INHBC: variants seen among roughly 807,000 people sequenced by gnomAD.
INHBC encodes inhibin subunit beta C.
In INHBC, 10 loss-of-function variants were observed where a neutral mutation model predicts 12.4. The ratio of observed to expected loss-of-function variants is 0.81; its 90% CI spans 0.50 to 1.37. INHBC has a LOEUF of 1.37. Among genes scored for constraint, INHBC ranks in the 40% most tolerant of loss-of-function variants. The probability of loss-of-function intolerance (pLI) is 0.00; values close to 1 mark genes in which losing one functional copy is unlikely to be tolerated. For missense variants in INHBC, 382 were observed against 439.4 expected, an observed-to-expected ratio of 0.87 and a Z score of 1.17; for synonymous variants, 147 against 171.6, an observed-to-expected ratio of 0.86 and a Z score of 1.12.
At chr12:57,444,370 G>A (rs150187081) in intron 1 of INHBC, among the ~76,000 whole-genome samples, 1,809 of 151,934 alleles carry the variant, frequency 0.012, 33 homozygotes, top group African/African-American at 0.041. Flanking sequence ...GCAAAACTCC[G>A]TCTCTACTAA....
At chr12:57,435,961 C>T (rs1870327993) in intron 1 of INHBC, among the ~76,000 whole-genome samples, 2 of 151,580 alleles carry the variant, frequency 1.3e-5, no homozygotes, top group Admixed American at 1.3e-4. Context: ...ATTCTCCTGC[C>T]CCAGCCTCTT....
At chr12:57,449,217 A>G in intron 1 of INHBC, 60 bp from the exon 2 acceptor site, 1 of 1,552,554 alleles carries the variant, frequency 6.4e-7, no homozygotes, top group Non-Finnish European at 8.7e-7. Flanking sequence ...AGTACAGAGA[A>G]ATAGTTGGTA....
chr12:57,449,588 T>G lies in INHBC; in HGVS notation c.625T>G (p.Ser209Ala), dbSNP rs1270009452. 4 of 1,614,082 alleles carry G rather than the reference T, an allele frequency of 2.5e-6. No homozygotes were observed. Among genetic ancestry groups the G allele is most frequent in the Non-Finnish European group, 3.4e-6 (4 of 1,180,040 alleles). Residue 209 changes from serine to alanine, a missense_variant, in exon 2 of 2, where the codon TCA becomes GCA. Coordinates refer to ENST00000309668, the MANE Select transcript of INHBC (RefSeq NM_005538.4). ...ACTTGAAGGCCAGGTAGCCCAGAGC[T>G]CAGTCATCCTGGGTGGAGCTGCCCA... ...LVLEGQVAQS[S>A]VILGGAAHRP...
At chr12:57,446,260 AAG>A (rs1870576777) in intron 1 of INHBC, among the ~76,000 whole-genome samples, 1 of 151,984 alleles carries the variant, frequency 6.6e-6, no homozygotes, top group African/African-American at 2.4e-5. Context: ...TAATTAAAAA[AAG>A]AGATTGAAAT....
chr12:57,448,873 A>ATAT (rs1231638321), intron 1 of INHBC, among the ~76,000 whole-genome samples: 1 of 152,216 alleles, frequency 6.6e-6, no homozygotes, highest in South Asian at 2.1e-4. Flanking sequence ...GAGCAGAAAT[A>ATAT]TATTAACTCA....
chr12:57,446,652 G>A (rs534997543), intron 1 of INHBC, among the ~76,000 whole-genome samples: 205 of 151,870 alleles, frequency 1.3e-3, no homozygotes, highest in Middle Eastern at 3.4e-3. Flanking sequence ...ACACTAGTAC[G>A]CCTGGGTAAT....
intron 1 of INHBC, among the ~76,000 whole-genome samples, chr12:57,438,358 C>T (rs1479830415): frequency 1.3e-5 from 2 of 152,180 alleles, no homozygotes; most frequent in Non-Finnish European, 2.9e-5. Context: ...TTTATAAAGG[C>T]ACTAATTCTA....
chr12:57,440,678 G>A (rs761427716), intron 1 of INHBC, among the ~76,000 whole-genome samples: 14 of 151,978 alleles, frequency 9.2e-5, no homozygotes, highest in Non-Finnish European at 1.8e-4. Context: ...CTTATCGTAG[G>A]CAACTAAAAT....
At chr12:57,439,813 T>A (rs1325938784) in intron 1 of INHBC, among the ~76,000 whole-genome samples, 1 of 152,206 alleles carries the variant, frequency 6.6e-6, no homozygotes, top group Non-Finnish European at 1.5e-5. Flanking sequence ...AAAAAAAATG[T>A]TAGATCTTAA....
At chr12:57,436,570 G>GCTCAAGCTCAGGTGATC (rs1425855176) in intron 1 of INHBC, among the ~76,000 whole-genome samples, 19 of 143,274 alleles carry the variant, frequency 1.3e-4, no homozygotes, top group Non-Finnish European at 1.5e-5. Flanking sequence ...AACCTCCCAG[G>GCTCAAGCTCAGGTGATC]CTCAAGCTCA....
In INHBC at chr12:57,435,130, GT is replaced by G; in HGVS notation, c.245del (p.Val82AlafsTer7). ...LRTALQHLHGVPQGALLEDNR... is the reference protein window; with the variant it reads ...LRTALQHLHGXPQGALLEDNR... ...GACTGCACTGCAGCACCTCCACGGG[GT>G]CCCACAGGGGGCACTTCTAGAGGAC... On this transcript the variant is annotated frameshift_variant, in exon 1 of 2. Transcript: ENST00000309668. LOFTEE classifies it high-confidence loss of function. 1.2e-6 allele frequency: 2 copies of G among 1,614,164 alleles called. No homozygotes were observed. The highest frequency in any genetic ancestry group is 1.7e-6 in the Non-Finnish European group (2 of 1,180,030).
chr12:57,449,316 TCTC>T lies in INHBC; in HGVS notation c.357_359del (p.Ser120del), dbSNP rs763624456. On this transcript the variant is annotated inframe_deletion, in exon 2 of 2. Coordinates refer to ENST00000309668, the MANE Select transcript of INHBC (RefSeq NM_005538.4). ...AACCAGACTCGTCTTGATTTTCACTTCTCCTCTGATAGAACTGCTGGTGACAGG... is the reference window on the plus strand; with the variant it reads ...AACCAGACTCGTCTTGATTTTCACTTCTCTGATAGAACTGCTGGTGACAGG... The T allele has an allele frequency of 1.2e-6, 2 of 1,613,968 alleles. No homozygotes were observed. Among genetic ancestry groups the T allele is most frequent in the African/African-American group, 1.3e-5 (1 of 74,916 alleles).
intron 1 of INHBC, among the ~76,000 whole-genome samples, chr12:57,435,438 T>C (rs1870312992): frequency 1.3e-5 from 2 of 152,256 alleles, no homozygotes; most frequent in Middle Eastern, 6.8e-3. Context: ...TCTTTTGAGA[T>C]TGGCTGCCGT....
At chr12:57,444,603 A>C (rs1166147896) in intron 1 of INHBC, among the ~76,000 whole-genome samples, 1 of 151,830 alleles carries the variant, frequency 6.6e-6, no homozygotes, top group Admixed American at 6.6e-5. Flanking sequence ...ACAAACAGTT[A>C]AGCAGGATGA....
At chr12:57,436,741 A>G (rs1379651123) in intron 1 of INHBC, among the ~76,000 whole-genome samples, 1 of 151,350 alleles carries the variant, frequency 6.6e-6, no homozygotes. Flanking sequence ...ATCTTGGCTC[A>G]CTGCAAGCTC....
chr12:57,446,266 T>G (rs1371801431), intron 1 of INHBC, among the ~76,000 whole-genome samples: 4 of 151,730 alleles, frequency 2.6e-5, no homozygotes, highest in Non-Finnish European at 4.4e-5. Context: ...AAAAAAGAGA[T>G]TGAAATATCA....
At chr12:57,444,624 A>C (rs981661582) in intron 1 of INHBC, among the ~76,000 whole-genome samples, 3 of 151,340 alleles carry the variant, frequency 2.0e-5, no homozygotes, top group Non-Finnish European at 4.4e-5. Flanking sequence ...TGTATTAGAG[A>C]GATGGAGGCA....
chr12:57,444,141 G>T (rs950255348), intron 1 of INHBC, among the ~76,000 whole-genome samples: 1 of 152,150 alleles, frequency 6.6e-6, no homozygotes, highest in Non-Finnish European at 1.5e-5. Context: ...AAGTACTAGG[G>T]ATACAATGGT....
At position 57,449,528 on chromosome 12, in the gene INHBC, G is replaced by T; in HGVS notation, c.565G>T (p.Ala189Ser). ...QLPLGPEAQA[A>S]CSQGHLTLEL... ...CCCCCTAGGGCCTGAAGCTCAAGCT[G>T]CCTGCAGCCAGGGGCACCTGACCCT... The change falls in exon 2 of 2, where the codon GCC becomes TCC. Residue 189 changes from alanine (A) to serine (S), a missense_variant. By Grantham distance (99) the Ala-to-Ser change is moderately conservative. Transcript: ENST00000309668. 1 of 1,614,220 alleles carries T rather than the reference G, an allele frequency of 6.2e-7. No individual in the cohort carries two copies. The highest frequency in any genetic ancestry group is 8.5e-7 in the Non-Finnish European group (1 of 1,180,030).
Sources: allele counts gnomAD v4.1 joint callset (sites outside exome capture counted in the v4.1 genomes callset), GRCh38; gene constraint gnomAD v4.1.1; transcripts MANE v1.5; gene names NCBI Gene and HGNC (gene_info 2026-07-23, HGNC 2026-07-21).